The following SYBU variants were observed in gnomAD, a reference collection of about 807,000 sequenced individuals.
The protein encoded by SYBU is GOLSYN A protein.
SYBU carries 21 observed loss-of-function variants against 35.9 expected under a neutral mutation model. The observed-to-expected ratio is 0.58, with a 90% CI of 0.41 to 0.84. The LOEUF (loss-of-function observed/expected upper bound fraction) is 0.84, where lower values mean the gene tolerates loss of function less well. Ranked by LOEUF, SYBU falls within the 40% of genes least tolerant of loss-of-function variation. The pLI, the probability that SYBU is intolerant of heterozygous loss-of-function variation, is 0.00. For synonymous variants in SYBU, 319 were observed against 324.3 expected (o/e 0.98, Z 0.18); for missense variants, 768 against 848.2 (o/e 0.91, Z 1.17).
chr8:109,599,918 A>C (rs1563705298), intron 3 of SYBU, among the ~76,000 whole-genome samples: 1 of 152,182 alleles, frequency 6.6e-6, no homozygotes. Flanking sequence ...CAGCTTTCAC[A>C]CATGCTGTTC....
Position 109,576,085 on chromosome 8 carries a change from ACAGGCAGTT to A in SYBU, c.885-81_885-73del, listed in dbSNP as rs1822282252. On this transcript the variant is annotated intron_variant, in intron 6 of 6. Coordinates refer to ENST00000276646, the MANE Select transcript of SYBU (RefSeq NM_001099754.2). ...AAAAAAAAAAACTTTCAACTGGGCA[ACAGGCAGTT>A]CAGGCAGTTCTGGCACAGAGCCAAG... The A allele has an allele frequency of 7.6e-6, 11 of 1,442,246 alleles. No homozygotes were observed. In the South Asian group the frequency reaches 1.5e-4, roughly 19 times the overall value. 89.3% of individuals were successfully genotyped at this position (1,442,246 alleles called of 1,614,324 possible). A position where few individuals can be genotyped will look rare whatever the true frequency, so the allele number is the denominator to read the frequency against.
chr8:109,578,125 C>T, intron 5 of SYBU, 108 bp from the exon 6 acceptor site: 1 of 1,275,466 alleles, frequency 7.8e-7, no homozygotes, highest in African/African-American at 1.5e-5. Flanking sequence ...CTCCAGAATT[C>T]ATATGTTGAA....
chr8:109,642,361 G>C (rs551019457), intron 2 of SYBU, among the ~76,000 whole-genome samples: 1 of 152,104 alleles, frequency 6.6e-6, no homozygotes, highest in Non-Finnish European at 1.5e-5. Flanking sequence ...GGGTTGATGG[G>C]TGCAGCAAAC....
chr8:109,612,809 G>A (rs1191651744), intron 3 of SYBU, among the ~76,000 whole-genome samples: 11 of 151,954 alleles, frequency 7.2e-5, no homozygotes, highest in Admixed American at 2.6e-4. Context: ...GTGAAACCCC[G>A]TCTCTACTAA....
intron 2 of SYBU, among the ~76,000 whole-genome samples, chr8:109,639,827 G>A (rs901292274): frequency 2.0e-5 from 3 of 152,140 alleles, no homozygotes; most frequent in Admixed American, 6.6e-5. Context: ...TGCCTCCAGC[G>A]TTAACACTCC....
At chr8:109,597,439 T>A (rs1825008911) in intron 3 of SYBU, among the ~76,000 whole-genome samples, 1 of 152,214 alleles carries the variant, frequency 6.6e-6, no homozygotes, top group Admixed American at 6.5e-5. Context: ...ATATTAAAGC[T>A]GGGTGCAGTG....
At chr8:109,645,177 C>G (rs751180417), upstream of SYBU, 1 of 457,126 alleles carries the variant, frequency 2.2e-6, no homozygotes, top group African/African-American at 2.0e-5. Flanking sequence ...CACAGAGAGA[C>G]AAAATAGAGA....
chr8:109,618,056 A>G (rs1181360925), intron 3 of SYBU, among the ~76,000 whole-genome samples: 1 of 152,238 alleles, frequency 6.6e-6, no homozygotes, highest in Non-Finnish European at 1.5e-5. Context: ...GACTCATGCA[A>G]GCCAGTAATC....
intron 2 of SYBU, among the ~76,000 whole-genome samples, chr8:109,639,803 A>T (rs942732410): frequency 7.2e-5 from 11 of 152,170 alleles, no homozygotes. Context: ...CATGTCTTAC[A>T]TTCTCTATCT....
At chr8:109,690,815 C>T (rs553122353) in intron 1 of SYBU, among the ~76,000 whole-genome samples, 2 of 152,254 alleles carry the variant, frequency 1.3e-5, no homozygotes, top group South Asian at 4.1e-4. Flanking sequence ...TCCTTTCTCA[C>T]CTGGAATAGT....
chr8:109,601,684 C>G (rs569130558), intron 3 of SYBU, among the ~76,000 whole-genome samples: 1 of 151,952 alleles, frequency 6.6e-6, no homozygotes, highest in Non-Finnish European at 1.5e-5. Flanking sequence ...GTGTTGGGGG[C>G]ATGGACAGGA....
intron 1 of SYBU, among the ~76,000 whole-genome samples, chr8:109,677,778 T>C (rs140918160): frequency 2.0e-4 from 30 of 152,316 alleles, no homozygotes; most frequent in Admixed American, 9.2e-4. Flanking sequence ...CAGACTAAGA[T>C]GGGTCTCAGA....
chr8:109,583,350 A>G (rs369391177), intron 4 of SYBU, among the ~76,000 whole-genome samples: 1 of 152,198 alleles, frequency 6.6e-6, no homozygotes, highest in East Asian at 1.9e-4. Flanking sequence ...TCTGACTCCA[A>G]ATCCCAAGGT....
chr8:109,601,970 T>C (rs937380030), intron 3 of SYBU, among the ~76,000 whole-genome samples: 2 of 152,138 alleles, frequency 1.3e-5, no homozygotes, highest in Non-Finnish European at 2.9e-5. Context: ...GAAGACAACA[T>C]GACAGCAATA....
chr8:109,687,638 A>C (rs1055084206), intron 1 of SYBU, among the ~76,000 whole-genome samples: 2 of 152,222 alleles, frequency 1.3e-5, no homozygotes, highest in Non-Finnish European at 2.9e-5. Context: ...AAAAGAAAAA[A>C]GTGACAGAGA....
intron 1 of SYBU, among the ~76,000 whole-genome samples, chr8:109,655,160 T>C (rs77717811): frequency 0.094 from 14,355 of 152,290 alleles, 773 homozygotes; most frequent in South Asian, 0.23. Flanking sequence ...CGTTCACAAA[T>C]GTTCCCTCTA....
intron 2 of SYBU, among the ~76,000 whole-genome samples, chr8:109,626,563 T>C (rs1048135995): frequency 2.0e-5 from 3 of 152,214 alleles, no homozygotes; most frequent in Non-Finnish European, 4.4e-5. Flanking sequence ...AAAGTGTGCA[T>C]GTGCGTATCA....
chr8:109,644,680 C>T lies in SYBU; in HGVS notation c.-21G>A, dbSNP rs772441845. 6 of 1,508,556 alleles carry T rather than the reference C, an allele frequency of 4.0e-6. No individual in the cohort carries two copies. The South Asian group carries it at 5.0e-5, about 12-fold the overall frequency. 93.4% of individuals were successfully genotyped at this position (1,508,556 alleles called of 1,614,324 possible). ...CCCATCGCGCCGCTGCCCGCCGGCTCCTCGCGCCGCCGCTGCCGCCGTCCA... is the reference window on the plus strand; with the variant it reads ...CCCATCGCGCCGCTGCCCGCCGGCTTCTCGCGCCGCCGCTGCCGCCGTCCA... On this transcript the variant is annotated 5_prime_UTR_variant, in exon 1 of 7. Coordinates refer to ENST00000276646, the MANE Select transcript of SYBU (RefSeq NM_001099754.2).
At chr8:109,616,467 A>G (rs947365788) in intron 3 of SYBU, among the ~76,000 whole-genome samples, 1 of 152,148 alleles carries the variant, frequency 6.6e-6, no homozygotes, top group African/African-American at 2.4e-5. Context: ...TTGTTAACAT[A>G]TAATTATTAT....
Sources: gnomAD v4.1 joint callset for allele counts (sites outside exome capture counted in the v4.1 genomes callset) on GRCh38, gnomAD v4.1.1 for gene constraint, MANE v1.5 for transcripts, NCBI Gene and HGNC (gene_info 2026-07-23, HGNC 2026-07-21) for gene names.